Variants in SATL1 observed in about 807,000 individuals in gnomAD.
SATL1 encodes the protein spermidine/spermine N(1)-acetyltransferase-like protein 1.
A neutral mutation model predicts 51.8 loss-of-function variants in SATL1; 47 were observed. The observed-to-expected ratio is 0.91, with a 90% confidence interval of 0.72 to 1.16. The LOEUF is 1.16. SATL1 is among the 50% of genes most tolerant of loss of function. The pLI is 0.00. For missense variants in SATL1, 520 were observed against 526.4 expected (o/e 0.99, Z 0.12); for synonymous variants, 176 against 182.4 (o/e 0.97, Z 0.28).
Position 85,108,077 on chromosome X carries a change from G to A in SATL1, c.892C>T (p.Gln298Ter). ...QVDMKQPSMSQAGMRQSGTNL... is the reference protein window; with the variant it reads ...QVDMKQPSMS ...GTACCTGATTGCCTCATGCCAGCTT[G>A]GCTCATGCTTGGTTGTTTCATGTCC... Residue 298 changes from glutamine to a stop codon, truncating the protein, a stop_gained, in exon 3 of 8, where the codon CAA becomes TAA. Coordinates refer to ENST00000644105, the MANE Select transcript of SATL1 (RefSeq NM_001367857.2). LOFTEE classifies it high-confidence loss of function. The A allele has an allele frequency of 8.3e-7, 1 of 1,211,755 alleles. No individual in the cohort carries two copies. The highest frequency in any genetic ancestry group is 1.8e-5 in the South Asian group (1 of 57,003).
intron 2 of SATL1, among the ~76,000 whole-genome samples, chrX:85,164,963 A>G (rs955753165): frequency 1.8e-5 from 2 of 110,509 alleles, no homozygotes; most frequent in Non-Finnish European, 3.8e-5. Context: ...ACCTCAGGTA[A>G]TCTGCCCACC....
At position 85,188,648 on chromosome X, in the gene SATL1, T is replaced by TA. The variant is rs1165664286; in HGVS notation, c.-313+35556dup. 9.3e-5 allele frequency among the ~76,000 whole-genome samples: 10 copies of TA among 107,113 alleles called. No homozygotes were observed. In the East Asian group the frequency reaches 1.2e-3, roughly 12 times the overall value. The allele number at this position is 107,113 out of a possible 115,157, so 93.0% of individuals were successfully genotyped here. ...GCAACAGAGCAAGACTTCATCTCTC[T>TA]AAAAAAAAAATTGCATACCCAAAAC... On this transcript the variant is annotated intron_variant, in intron 2 of 7. Coordinates refer to ENST00000644105, the MANE Select transcript of SATL1 (RefSeq NM_001367857.2).
chrX:85,126,615 C>T (rs185043598), intron 2 of SATL1, among the ~76,000 whole-genome samples: 1 of 111,496 alleles, frequency 9.0e-6, no homozygotes, highest in Non-Finnish European at 1.9e-5. Flanking sequence ...TTATAAACTG[C>T]ACCACTTTAG....
intron 2 of SATL1, among the ~76,000 whole-genome samples, chrX:85,110,952 C>T (rs2147694645): frequency 8.9e-6 from 1 of 112,622 alleles, no homozygotes; most frequent in African/African-American, 3.2e-5. Flanking sequence ...CCCCATTTTT[C>T]AAGTAAAGAA....
At chrX:85,154,076 T>A (rs1926530290) in intron 2 of SATL1, among the ~76,000 whole-genome samples, 1 of 111,870 alleles carries the variant, frequency 8.9e-6, no homozygotes, top group African/African-American at 3.2e-5. Flanking sequence ...AAAGTCAGAT[T>A]AACACTGCCA....
intron 1 of SATL1, 52 bp downstream of exon 1, chrX:85,243,536 A>G (rs1164043586): frequency 3.6e-5 from 4 of 111,714 alleles, no homozygotes; most frequent in African/African-American, 1.3e-4. Context: ...AAATGAAGGG[A>G]GGGAGGAAGG....
intron 2 of SATL1, among the ~76,000 whole-genome samples, chrX:85,112,481 G>A (rs1245383708): frequency 1.8e-5 from 2 of 111,555 alleles, no homozygotes; most frequent in Non-Finnish European, 1.9e-5. Context: ...ACTTACTTCC[G>A]GGGTCTTATG....
At chrX:85,138,752 T>C (rs773861857) in intron 2 of SATL1, among the ~76,000 whole-genome samples, 87 of 111,324 alleles carry the variant, frequency 7.8e-4, no homozygotes, top group African/African-American at 2.7e-3. Flanking sequence ...TTGCTGTGAA[T>C]GGGAGTAGAG....
intron 2 of SATL1, among the ~76,000 whole-genome samples, chrX:85,121,710 A>G (rs1925513154): frequency 1.9e-5 from 2 of 107,387 alleles, no homozygotes; most frequent in Non-Finnish European, 3.8e-5. Flanking sequence ...CCCACCTTAA[A>G]TTCTATGTGG....
At chrX:85,208,126 C>T (rs1333477192) in intron 2 of SATL1, among the ~76,000 whole-genome samples, 1 of 110,029 alleles carries the variant, frequency 9.1e-6, no homozygotes, top group Admixed American at 9.7e-5. Flanking sequence ...TTGTTCAATT[C>T]CCACCTATGA....
At chrX:85,148,481 C>G (rs1320805776) in intron 2 of SATL1, among the ~76,000 whole-genome samples, 2 of 110,290 alleles carry the variant, frequency 1.8e-5, no homozygotes, top group Non-Finnish European at 3.8e-5. Flanking sequence ...AAAGATATTC[C>G]TCGAGAAGAG....
In SATL1 at chrX:85,092,494, T is replaced by C; in HGVS notation, c.1985A>G (p.Asn662Ser). Residue 662 changes from asparagine to serine, a missense_variant, in exon 8 of 8, where the codon AAC (asparagine) becomes AGC (serine). Around this residue, in one of 3 missense-constraint regions of SATL1, gnomAD observed 488 missense variants for 474.3 expected, o/e 1.03. Coordinates refer to ENST00000644105, the MANE Select transcript of SATL1 (RefSeq NM_001367857.2). ...LVVIWNQASI[N>S]YYTSRGALDL... is the part of the protein sequence containing the mutation. The stretch of plus-strand genomic sequence containing the variant: ...TAAAGCCCCTCGACTAGTATAGTAG[T>C]TGATAGAAGCCTGGTTCCAAATGAC... 2 of 1,210,014 alleles carry C rather than the reference T, an allele frequency of 1.7e-6. No homozygotes were observed. Among genetic ancestry groups the C allele is most frequent in the Non-Finnish European group, 2.2e-6 (2 of 894,390 alleles).
At chrX:85,130,117 T>G (rs67829114) in intron 2 of SATL1, among the ~76,000 whole-genome samples, 2 of 111,126 alleles carry the variant, frequency 1.8e-5, no homozygotes, top group African/African-American at 3.3e-5. Context: ...CTTTTTTTGT[T>G]GTATCTCTGC....
In SATL1 at chrX:85,109,175, G is replaced by A; in HGVS notation, c.-207C>T. ...CAAGGTGGGAATTGGAAAAAGAGAGGAGCACCTCAGGAAGATTATTAATGC... is the reference window on the plus strand; with the variant it reads ...CAAGGTGGGAATTGGAAAAAGAGAGAAGCACCTCAGGAAGATTATTAATGC... On this transcript the variant is annotated 5_prime_UTR_variant, in exon 3 of 8. Coordinates refer to ENST00000644105, the MANE Select transcript of SATL1 (RefSeq NM_001367857.2). The A allele has an allele frequency of 2.3e-6, 1 of 434,592 alleles. No homozygotes were observed. Among genetic ancestry groups the A allele is most frequent in the East Asian group, 3.7e-5 (1 of 26,795 alleles). The allele number at this position is 434,592 out of a possible 1,213,427, so 35.8% of individuals were successfully genotyped here. A position where few individuals can be genotyped will look rare whatever the true frequency, so the allele number is the denominator to read the frequency against.
intron 2 of SATL1, among the ~76,000 whole-genome samples, chrX:85,168,823 T>C (rs919946234): frequency 8.9e-6 from 1 of 111,999 alleles, no homozygotes; most frequent in East Asian, 2.8e-4. Context: ...ACAACAATCC[T>C]AAGCAGAAAG....
At chrX:85,128,809 G>A (rs1057462361) in intron 2 of SATL1, among the ~76,000 whole-genome samples, 4 of 111,853 alleles carry the variant, frequency 3.6e-5, no homozygotes, top group African/African-American at 1.3e-4. Context: ...AATCCATCTC[G>A]AATTAATTTT....
At chrX:85,229,622 T>TA (rs1555965904) in intron 1 of SATL1, among the ~76,000 whole-genome samples, 1 of 108,004 alleles carries the variant, frequency 9.3e-6, no homozygotes, top group Non-Finnish European at 1.9e-5. Flanking sequence ...CATTCAGAAT[T>TA]AAAAAAAAAG....
chrX:85,156,095 GT>G lies in SATL1; in HGVS notation c.-312-46816del, dbSNP rs200680029. 6.6e-3 allele frequency among the ~76,000 whole-genome samples: 738 copies of G among 111,157 alleles called. 5 individuals carry two copies. The highest frequency in any genetic ancestry group is 0.023 in the African/African-American group (696 of 30,702). ...TTTCAGCTTTGCTATAAGTTTTAGC[GT>G]TTTTATAATAAAATGTTGGATGAAT... On this transcript the variant is annotated intron_variant, in intron 2 of 7. Transcript: ENST00000644105.
At chrX:85,123,985 A>T (rs904265497) in intron 2 of SATL1, among the ~76,000 whole-genome samples, 1 of 111,615 alleles carries the variant, frequency 9.0e-6, no homozygotes, top group Non-Finnish European at 1.9e-5. Flanking sequence ...TGTATTTTTT[A>T]AGTTGGAAGT....
Sources: gnomAD v4.1 joint callset for allele counts (sites outside exome capture counted in the v4.1 genomes callset) on GRCh38, gnomAD v4.1.1 for gene constraint, gnomAD v4.1.1 regional missense constraint, MANE v1.5 for transcripts, NCBI Gene and HGNC (gene_info 2026-07-23, HGNC 2026-07-21) for gene names.